The following KDM4B variants were observed in gnomAD, a reference collection of about 807,000 sequenced individuals.
The protein encoded by KDM4B is lysine-specific demethylase 4B.
In KDM4B, 32 loss-of-function variants were observed where a neutral mutation model predicts 125.2. The ratio of observed to expected loss-of-function variants is 0.26; its 90% CI spans 0.19 to 0.34. The LOEUF is 0.34. Among genes scored for constraint, KDM4B ranks in the 10% least tolerant of loss-of-function variants. The pLI, the probability that KDM4B is intolerant of heterozygous loss-of-function variation, is 1.00. For missense variants in KDM4B, 1,190 were observed against 1,577.7 expected (o/e 0.75, Z 4.16); for synonymous variants, 721 against 677.9 (o/e 1.06, Z -0.99).
chr19:4,991,959 T>G (rs2035044036), intron 1 of KDM4B, among the ~76,000 whole-genome samples: 1 of 152,184 alleles, frequency 6.6e-6, no homozygotes, highest in Non-Finnish European at 1.5e-5. Context: ...CATACGGGTG[T>G]TGTTTTCTCA....
chr19:5,119,984 G>T, intron 11 of KDM4B, 132 bp downstream of exon 11: 2 of 1,177,370 alleles, frequency 1.7e-6, no homozygotes, highest in South Asian at 3.1e-5. Flanking sequence ...TTTCTTGCCA[G>T]GGTGGGGCAT....
At chr19:5,123,774 C>G (rs1012406121) in intron 11 of KDM4B, among the ~76,000 whole-genome samples, 2 of 152,218 alleles carry the variant, frequency 1.3e-5, no homozygotes, top group Non-Finnish European at 1.5e-5. Context: ...GGATAAGTTC[C>G]TGGGCTGGCT....
At chr19:4,991,796 T>C (rs909954584) in intron 1 of KDM4B, among the ~76,000 whole-genome samples, 5 of 152,174 alleles carry the variant, frequency 3.3e-5, no homozygotes, top group African/African-American at 1.2e-4. Flanking sequence ...CGGCTGAGGA[T>C]CTCTGCATCT....
chr19:5,016,573 C>T (rs1382862976), intron 2 of KDM4B, among the ~76,000 whole-genome samples: 1 of 152,252 alleles, frequency 6.6e-6, no homozygotes, highest in Non-Finnish European at 1.5e-5. Context: ...TCTCGCCCTT[C>T]GGCATCGAAC....
intron 7 of KDM4B, chr19:5,076,926 C>G (rs371555558): frequency 2.8e-5 from 5 of 176,962 alleles, no homozygotes; most frequent in African/African-American, 1.2e-4. Context: ...TGGATTTTGT[C>G]TGGGGAGGTC....
intron 2 of KDM4B, among the ~76,000 whole-genome samples, chr19:5,019,319 GACGTTGGCGTGCAGGTGTTGGTGT>G (rs1568231574): frequency 7.9e-6 from 1 of 127,282 alleles, no homozygotes. Context: ...TGTTGGTGTG[GACGTTGGCGTGCAGGTGTTGGTGT>G]GGGTGTTGGT....
chr19:5,123,740 C>A (rs1460487654), intron 11 of KDM4B, among the ~76,000 whole-genome samples: 2 of 152,230 alleles, frequency 1.3e-5, no homozygotes, highest in African/African-American at 4.8e-5. Context: ...AGCTGGGCGC[C>A]TGAGCATGGG....
intron 2 of KDM4B, among the ~76,000 whole-genome samples, chr19:5,025,514 G>A (rs530574020): frequency 6.6e-6 from 1 of 152,360 alleles, no homozygotes; most frequent in South Asian, 2.1e-4. Context: ...GCCAGAGAGA[G>A]CTTTCTAGAA....
At chr19:5,049,887 GGCT>G (rs1322063922) in intron 6 of KDM4B, among the ~76,000 whole-genome samples, 3 of 152,174 alleles carry the variant, frequency 2.0e-5, no homozygotes, top group Non-Finnish European at 4.4e-5. Context: ...TACCCCTCCA[GGCT>G]GCCCTCCCAA....
chr19:5,116,173 G>A (rs1855522059), intron 10 of KDM4B, among the ~76,000 whole-genome samples: 1 of 145,446 alleles, frequency 6.9e-6, no homozygotes, highest in Non-Finnish European at 1.5e-5. Flanking sequence ...GGCCAAGGCA[G>A]GAGGATCACT....
At chr19:5,004,041 G>T (rs1253521505) in intron 1 of KDM4B, among the ~76,000 whole-genome samples, 1 of 152,280 alleles carries the variant, frequency 6.6e-6, no homozygotes, top group East Asian at 1.9e-4. Context: ...TAGAGTTTGT[G>T]CATTTCTCTG....
intron 1 of KDM4B, among the ~76,000 whole-genome samples, chr19:4,972,475 C>T (rs890181310): frequency 9.9e-5 from 15 of 152,194 alleles, no homozygotes; most frequent in African/African-American, 3.4e-4. Flanking sequence ...CACCTCTGCC[C>T]TATCCACGTT....
At chr19:5,036,345 G>T (rs1409722979) in intron 3 of KDM4B, among the ~76,000 whole-genome samples, 1 of 152,230 alleles carries the variant, frequency 6.6e-6, no homozygotes, top group Non-Finnish European at 1.5e-5. Flanking sequence ...GGAGCTGCGG[G>T]CACAGCCCTG....
chr19:5,041,120 G>T lies in KDM4B; in HGVS notation c.318-17G>T. ...CAGGCCTCACCCTGAGCTGGTTTTG[G>T]GGTGTTTGTTCACCAGGTACTGTAC... is the stretch of plus-strand genomic sequence containing the variant. On this transcript the variant is annotated splice_polypyrimidine_tract_variant and intron_variant, in intron 4 of 22. Coordinates refer to ENST00000159111, the MANE Select transcript of KDM4B (RefSeq NM_015015.3). The T allele has an allele frequency of 6.4e-7, 1 of 1,567,940 alleles. No homozygotes were observed. Among genetic ancestry groups the T allele is most frequent in the South Asian group, 1.1e-5 (1 of 89,998 alleles).
chr19:5,131,660 G>GGGCCGGTGGGGGGGGGC, intron 12 of KDM4B, 115 bp downstream of exon 12: 1 of 627,344 alleles, frequency 1.6e-6, no homozygotes, highest in Non-Finnish European at 2.7e-6. Context: ...GGGAGGAGGG[G>GGGCCGGTGGGGGGGGGC]ACAGGAGGGC....
chr19:5,030,718 AG>A (rs1324862353), intron 2 of KDM4B, among the ~76,000 whole-genome samples: 5 of 152,222 alleles, frequency 3.3e-5, no homozygotes, highest in African/African-American at 4.8e-5. Flanking sequence ...CGTGTGGCCT[AG>A]GCCCACAACT....
At chr19:5,031,909 G>T (rs556270531) in intron 2 of KDM4B, among the ~76,000 whole-genome samples, 1 of 152,202 alleles carries the variant, frequency 6.6e-6, no homozygotes, top group Non-Finnish European at 1.5e-5. Context: ...TCACTTTGGG[G>T]GTCACAGCGT....
chr19:4,981,623 G>T (rs2034646156), intron 1 of KDM4B, among the ~76,000 whole-genome samples: 1 of 152,134 alleles, frequency 6.6e-6, no homozygotes, highest in South Asian at 2.1e-4. Flanking sequence ...CACCACGCCG[G>T]GCCCCTTGGG....
intron 12 of KDM4B, 94 bp downstream of exon 12, chr19:5,131,639 GGGA>G (rs894093783): frequency 1.6e-6 from 1 of 626,782 alleles, no homozygotes; most frequent in Non-Finnish European, 2.7e-6. Flanking sequence ...CTGGTGGCGG[GGGA>G]GGGGGCAGGG....
Sources: gnomAD v4.1 joint callset for allele counts (sites outside exome capture counted in the v4.1 genomes callset) on GRCh38, gnomAD v4.1.1 for gene constraint, MANE v1.5 for transcripts, NCBI Gene and HGNC (gene_info 2026-07-23, HGNC 2026-07-21) for gene names.